ALPK3: variants seen among roughly 807,000 people sequenced by gnomAD.
ALPK3 encodes alpha-protein kinase 3.
In ALPK3, 102 loss-of-function variants were observed where a neutral mutation model predicts 140.0. The ratio of observed to expected loss-of-function variants is 0.73; its 90% CI spans 0.62 to 0.86. The LOEUF is 0.86. Among genes scored for constraint, ALPK3 ranks in the 40% least tolerant of loss-of-function variants. The pLI is 0.00. For synonymous variants in ALPK3, 938 were observed against 898.5 expected (o/e 1.04, Z -0.79); for missense variants, 2,254 against 2,208.2 (o/e 1.02, Z -0.42).
rs998807667 is a variant in ALPK3 at position 84,823,315 on chromosome 15, G to A, written c.144-15G>A. On this transcript the variant is annotated splice_polypyrimidine_tract_variant and intron_variant, in intron 1 of 13. Coordinates refer to ENST00000258888, the MANE Select transcript of ALPK3 (RefSeq NM_020778.5). ...CTTTTTTGGCCTAATGATTCCATTTGCTGTTTTTGCTTAGCTTATCAAGCA... is the reference window on the plus strand; with the variant it reads ...CTTTTTTGGCCTAATGATTCCATTTACTGTTTTTGCTTAGCTTATCAAGCA... The A allele has an allele frequency of 6.2e-7, 1 of 1,614,120 alleles. No individual in the cohort carries two copies. The highest frequency in any genetic ancestry group is 1.7e-5 in the Admixed American group (1 of 60,016).
intron 5 of ALPK3, among the ~76,000 whole-genome samples, chr15:84,855,978 A>C (rs1453184781): frequency 6.6e-6 from 1 of 152,166 alleles, no homozygotes; most frequent in Non-Finnish European, 1.5e-5. Context: ...TTCACCCATA[A>C]TTCTATCCAA....
intron 9 of ALPK3, among the ~76,000 whole-genome samples, chr15:84,860,584 C>T (rs1030741728): frequency 1.3e-5 from 2 of 152,166 alleles, no homozygotes; most frequent in Non-Finnish European, 2.9e-5. Flanking sequence ...TAGGGATGGG[C>T]ACGTACTGCT....
At chr15:84,835,734 C>T (rs1281701940) in intron 3 of ALPK3, among the ~76,000 whole-genome samples, 1 of 152,130 alleles carries the variant, frequency 6.6e-6, no homozygotes, top group African/African-American at 2.4e-5. Flanking sequence ...GAAATCCTGC[C>T]CACCCTCCAA....
At chr15:84,844,834 G>A in intron 5 of ALPK3, among the ~76,000 whole-genome samples, 1 of 151,994 alleles carries the variant, frequency 6.6e-6, no homozygotes, top group Non-Finnish European at 1.5e-5. Context: ...TCCAGCCTGG[G>A]CAACAGAGCG....
At chr15:84,817,990 G>A (rs1220306110) in intron 1 of ALPK3, among the ~76,000 whole-genome samples, 2 of 152,202 alleles carry the variant, frequency 1.3e-5, no homozygotes, top group African/African-American at 4.8e-5. Flanking sequence ...GGAGAGCACT[G>A]GTGGGGACAG....
chr15:84,852,394 GA>G (rs1035752212), intron 5 of ALPK3: 10 of 170,838 alleles, frequency 5.9e-5, no homozygotes, highest in Non-Finnish European at 1.1e-4. Flanking sequence ...ATGCTGCTCA[GA>G]ACAGTGCAAA....
At chr15:84,830,477 G>A (rs1374509028) in intron 3 of ALPK3, among the ~76,000 whole-genome samples, 1 of 152,208 alleles carries the variant, frequency 6.6e-6, no homozygotes, top group African/African-American at 2.4e-5. Context: ...TCTCCCTTGA[G>A]TCCCTCTGGT....
In ALPK3 at chr15:84,844,799, G is replaced by C. The variant is rs570008701; in HGVS notation, c.1653+3867G>C. Among the ~76,000 whole-genome samples, 32 of 152,262 alleles carry C rather than the reference G, an allele frequency of 2.1e-4. No homozygotes were observed. The South Asian group carries it at 6.4e-3, about 31-fold the overall frequency. On this transcript the variant is annotated intron_variant, in intron 5 of 13. Transcript: ENST00000258888. ...TTGAACCCGAGAGGTGGAGGTTGCA[G>C]TGAGCTAGGATCACGCCACCGCGCT...
intron 3 of ALPK3, among the ~76,000 whole-genome samples, chr15:84,836,315 C>A (rs1963597253): frequency 6.6e-6 from 1 of 152,144 alleles, no homozygotes; most frequent in Admixed American, 6.5e-5. Context: ...CAAAGGGGTA[C>A]CATGATCTGA....
At chr15:84,838,943 G>A (rs753939658) in intron 3 of ALPK3, 37 bp from the exon 4 acceptor site, 3 of 1,585,224 alleles carry the variant, frequency 1.9e-6, no homozygotes, top group Admixed American at 1.7e-5. Context: ...TTTTGGAACT[G>A]GCCTTGCTGT....
chr15:84,819,563 C>A (rs1963400875), intron 1 of ALPK3, among the ~76,000 whole-genome samples: 1 of 152,156 alleles, frequency 6.6e-6, no homozygotes. Flanking sequence ...TTGGAGGGAG[C>A]CACCGTACTG....
chr15:84,852,081 G>T (rs1165906195), intron 5 of ALPK3, among the ~76,000 whole-genome samples: 1 of 152,060 alleles, frequency 6.6e-6, no homozygotes, highest in East Asian at 1.9e-4. Context: ...ATTGTGTTTT[G>T]TCCTATACAT....
intron 2 of ALPK3, among the ~76,000 whole-genome samples, chr15:84,823,942 C>T (rs1430270508): frequency 6.6e-6 from 1 of 152,202 alleles, no homozygotes; most frequent in African/African-American, 2.4e-5. Context: ...CTCCTGGCTC[C>T]AAGGGATCCT....
At chr15:84,844,072 T>C (rs1232759880) in intron 5 of ALPK3, among the ~76,000 whole-genome samples, 1 of 152,048 alleles carries the variant, frequency 6.6e-6, no homozygotes, top group Non-Finnish European at 1.5e-5. Context: ...CTACTAACAA[T>C]ACAAAAATTA....
rs550784987 is a variant in ALPK3 at position 84,839,533 on chromosome 15, G to A, written c.423-169G>A. On this transcript the variant is annotated intron_variant, in intron 4 of 13. Transcript: ENST00000258888. ...TTTGCCAGCCTCAGTTCCCTCAGCT[G>A]TAATGGAGGGTGTTGTATGTTGTGA... Among the ~76,000 whole-genome samples, 26 of 152,268 alleles carry A rather than the reference G, an allele frequency of 1.7e-4. 2 individuals carry two copies. In the South Asian group the frequency reaches 5.4e-3, roughly 32 times the overall value.
chr15:84,858,404 C>T lies in ALPK3; in HGVS notation c.3666C>T (p.Ser1222=). 1 of 1,556,778 alleles carries T rather than the reference C, an allele frequency of 6.4e-7. No individual in the cohort carries two copies. Residue 1222 remains serine (S), a synonymous_variant, in exon 6 of 14, where the codon AGC becomes AGT. Transcript: ENST00000258888. ...RRSPTQGRKA[S]MLEVPRAEEE... is the part of the protein sequence containing the mutation. Reference sequence around the variant, plus strand: ...CCCCTACGCAGGGCAGAAAGGCGAGCATGCTGGAGGTGCCTCGGGCAGAGG... The same window carrying T: ...CCCCTACGCAGGGCAGAAAGGCGAGTATGCTGGAGGTGCCTCGGGCAGAGG...
At position 84,858,167 on chromosome 15, in the gene ALPK3, C is replaced by A. The variant is rs1426327260; in HGVS notation, c.3429C>A (p.Phe1143Leu). 13 of 1,611,246 alleles carry A rather than the reference C, an allele frequency of 8.1e-6. No individual in the cohort carries two copies. The highest frequency in any genetic ancestry group is 1.1e-5 in the Non-Finnish European group (13 of 1,178,886). ...AGGAGCCCTCCCAAGAGGAGAAGTTCCCAGGGGAGGCTCTGACAGGTCTCC... is the reference window on the plus strand; with the variant it reads ...AGGAGCCCTCCCAAGAGGAGAAGTTACCAGGGGAGGCTCTGACAGGTCTCC... ...IAQEPSQEEKFPGEALTGLPA... is the reference protein window; with the variant it reads ...IAQEPSQEEKLPGEALTGLPA... Residue 1143 changes from phenylalanine (F) to leucine (L), a missense_variant, in exon 6 of 14, where the codon TTC (phenylalanine) becomes TTA (leucine). Physicochemically the swap from Phe to Leu is conservative, Grantham distance 22. This residue lies in a region of ALPK3 where 2,088 missense variants were observed against 2,022.9 expected (regional missense o/e 1.03). Transcript: ENST00000258888.
In ALPK3 at chr15:84,856,494, G is replaced by A. The variant is rs1170905492; in HGVS notation, c.1756G>A (p.Glu586Lys). 6.2e-7 allele frequency: 1 copy of A among 1,614,064 alleles called. No homozygotes were observed. Among genetic ancestry groups the A allele is most frequent in the African/African-American group, 1.3e-5 (1 of 74,912 alleles). The change falls in exon 6 of 14, where the codon GAA becomes AAA. Residue 586 changes from glutamate (E) to lysine (K), a missense_variant. Transcript: ENST00000258888. ...VSTSGSQGII[E>K]PMDMETQEDG... ...CACTTCCGGAAGTCAAGGTATCATT[G>A]AACCCATGGATATGGAAACCCAGGA...
At chr15:84,822,364 G>A (rs927319850) in intron 1 of ALPK3, among the ~76,000 whole-genome samples, 4 of 152,128 alleles carry the variant, frequency 2.6e-5, no homozygotes, top group Non-Finnish European at 5.9e-5. Context: ...GAAAAGGATG[G>A]GTTTGGTGTT....
Sources: allele counts gnomAD v4.1 joint callset (sites outside exome capture counted in the v4.1 genomes callset), GRCh38; gene constraint gnomAD v4.1.1; regional missense constraint gnomAD v4.1.1; transcripts MANE v1.5; gene names NCBI Gene and HGNC (gene_info 2026-07-23, HGNC 2026-07-21).